RAB13: variants seen among roughly 807,000 people sequenced by gnomAD.
RAB13 encodes ras-related protein Rab-13.
In RAB13, 15 loss-of-function variants were observed where a neutral mutation model predicts 29.3. The ratio of observed to expected loss-of-function variants is 0.51; its 90% CI spans 0.34 to 0.79. RAB13 has a LOEUF of 0.79. Among genes scored for constraint, RAB13 ranks in the 30% least tolerant of loss-of-function variants. The pLI is 0.01. For synonymous variants in RAB13, 82 were observed against 93.8 expected, an observed-to-expected ratio of 0.87 and a Z score of 0.73; for missense variants, 186 against 255.5, an observed-to-expected ratio of 0.73 and a Z score of 1.85.
At chr1:153,983,396 T>C (rs1243654676) in intron 3 of RAB13, 100 bp from the exon 4 acceptor site, 11 of 1,467,242 alleles carry the variant, frequency 7.5e-6, no homozygotes, top group Middle Eastern at 1.7e-4. Context: ...CTAGGCCATG[T>C]TGGGCCCTCT....
chr1:153,984,695 C>A, intron 2 of RAB13, 26 bp downstream of exon 2: 1 of 1,596,366 alleles, frequency 6.3e-7, no homozygotes, highest in South Asian at 1.1e-5. Context: ...GGAAGTCTGG[C>A]GAGGCATCCC....
upstream of RAB13, among the ~76,000 whole-genome samples, chr1:153,990,220 C>T (rs1036449916): frequency 1.4e-4 from 21 of 152,248 alleles, no homozygotes; most frequent in Middle Eastern, 6.8e-3. Flanking sequence ...CACACGCCAC[C>T]ACGCCTGGCT....
In RAB13 at chr1:153,986,101, C is replaced by T. The variant is rs1649159220; in HGVS notation, c.124+12G>A. The T allele has an allele frequency of 6.2e-7, 1 of 1,612,956 alleles. No homozygotes were observed. Among genetic ancestry groups the T allele is most frequent in the African/African-American group, 1.3e-5 (1 of 74,882 alleles). On this transcript the variant is annotated intron_variant, in intron 1 of 7. Coordinates refer to ENST00000368575, the MANE Select transcript of RAB13 (RefSeq NM_002870.5). ...GGAGAGTCGGGGTCTGGGACATGGC[C>T]AGCGGGCTCACCGATGGTGGAGATG...
chr1:153,985,085 C>A, intron 1 of RAB13: 1 of 1,108,242 alleles, frequency 9.0e-7, no homozygotes, highest in Non-Finnish European at 1.1e-6. Flanking sequence ...CAGCTGACAA[C>A]TCTCTGAATT....
At chr1:153,983,717 G>A (rs1036594974) in intron 2 of RAB13, 136 bp from the exon 3 acceptor site, 2 of 726,162 alleles carry the variant, frequency 2.8e-6, no homozygotes, top group African/African-American at 1.8e-5. Flanking sequence ...AGGGGAACGG[G>A]ATTAAAGACA....
chr1:153,988,891 C>A (rs1483017357), upstream of RAB13, among the ~76,000 whole-genome samples: 3 of 149,460 alleles, frequency 2.0e-5, no homozygotes, highest in Non-Finnish European at 4.5e-5. Flanking sequence ...GGATTACAGG[C>A]GTGAGCCACT....
upstream of RAB13, among the ~76,000 whole-genome samples, chr1:153,988,098 C>T (rs1178011926): frequency 6.6e-6 from 1 of 151,358 alleles, no homozygotes; most frequent in Non-Finnish European, 1.5e-5. Flanking sequence ...GATTCTTGTG[C>T]CTCAGCCTCT....
chr1:153,988,515 T>G (rs548429038), upstream of RAB13, among the ~76,000 whole-genome samples: 2 of 148,506 alleles, frequency 1.3e-5, no homozygotes, highest in East Asian at 3.9e-4. Flanking sequence ...ATGGTTTTGA[T>G]CTCCTGACCT....
intron 1 of RAB13, 177 bp from the exon 2 acceptor site, chr1:153,984,958 A>G (rs1210801191): frequency 3.0e-6 from 4 of 1,349,986 alleles, no homozygotes; most frequent in Non-Finnish European, 3.8e-6. Context: ...CTGTATTTGT[A>G]TAGCAAGAAT....
chr1:153,984,667 C>T (rs376304799), intron 2 of RAB13, 54 bp downstream of exon 2: 27 of 1,472,464 alleles, frequency 1.8e-5, no homozygotes, highest in Middle Eastern at 1.7e-4. Context: ...GAAGGAAAAA[C>T]GTGTAGGAGG....
At chr1:153,987,687 C>T (rs1016358699), upstream of RAB13, among the ~76,000 whole-genome samples, 1 of 149,808 alleles carries the variant, frequency 6.7e-6, no homozygotes, top group African/African-American at 2.5e-5. Flanking sequence ...CACTTGTAAT[C>T]CCAGCACTTT....
rs190312104 is a variant in RAB13, at chr1:153,984,941, C to T, written c.125-160G>A. ...GGAAATGCCAAGCTAGGAGAATTTT[C>T]CCAAAGCTGTATTTGTATAGCAAGA... On this transcript the variant is annotated intron_variant, in intron 1 of 7. Coordinates refer to ENST00000368575, the MANE Select transcript of RAB13 (RefSeq NM_002870.5). The T allele has an allele frequency of 3.6e-6, 5 of 1,377,646 alleles. No homozygotes were observed. In the Admixed American group the frequency reaches 1.8e-4, roughly 51 times the overall value. The allele number at this position is 1,377,646 out of a possible 1,614,324, so 85.3% of individuals were successfully genotyped here.
At chr1:153,986,445 G>T (rs1215163110), upstream of RAB13, 3 of 538,640 alleles carry the variant, frequency 5.6e-6, no homozygotes, top group Non-Finnish European at 9.8e-6. Context: ...AAGGCTGCCA[G>T]CCCGGCCTCT....
At chr1:153,989,951 C>T (rs1230803843), upstream of RAB13, among the ~76,000 whole-genome samples, 6 of 152,106 alleles carry the variant, frequency 3.9e-5, no homozygotes, top group Admixed American at 3.9e-4. Context: ...ATCCCCATCA[C>T]CTTCCGTGTC....
At chr1:153,984,930 A>G in intron 1 of RAB13, 149 bp from the exon 2 acceptor site, 1 of 1,385,156 alleles carries the variant, frequency 7.2e-7, no homozygotes, top group Admixed American at 3.6e-5. Context: ...ATGCCAAGCT[A>G]GGAGAATTTT....
upstream of RAB13, among the ~76,000 whole-genome samples, chr1:153,990,516 T>G (rs983730661): frequency 2.6e-5 from 4 of 152,202 alleles, no homozygotes; most frequent in Non-Finnish European, 5.9e-5. Flanking sequence ...TGGCACAAAA[T>G]TTTAAAAGTG....
At chr1:153,984,997 T>G in intron 1 of RAB13, 2 of 1,273,250 alleles carry the variant, frequency 1.6e-6, no homozygotes, top group African/African-American at 1.6e-5. Context: ...TTATGGATTT[T>G]GGGAGGGAAA....
At position 153,986,231 on chromosome 1, in the gene RAB13, G is replaced by A. The variant is rs778689659; in HGVS notation, c.6C>T (p.Ala2=). 2.5e-5 allele frequency: 41 copies of A among 1,612,382 alleles called. No individual in the cohort carries two copies. Among genetic ancestry groups the A allele is most frequent in the Non-Finnish European group, 3.3e-5 (39 of 1,179,332 alleles). Residue 2 remains alanine, a synonymous_variant, in exon 1 of 8, where the codon GCC becomes GCT. Coordinates refer to ENST00000368575, the MANE Select transcript of RAB13 (RefSeq NM_002870.5). M[A]KAYDHLFKLL... ...ACTTGAAGAGGTGGTCGTAGGCTTTGGCCATGGCGGACACCGGGGGAGCCG... is the reference window on the plus strand; with the variant it reads ...ACTTGAAGAGGTGGTCGTAGGCTTTAGCCATGGCGGACACCGGGGGAGCCG...
chr1:153,987,084 A>G (rs116009425), upstream of RAB13, among the ~76,000 whole-genome samples: 227 of 152,298 alleles, frequency 1.5e-3, 1 homozygote, highest in African/African-American at 5.2e-3. Context: ...TGAACTAAAA[A>G]TGTCATTCTT....
Sources: allele counts gnomAD v4.1 joint callset (sites outside exome capture counted in the v4.1 genomes callset), GRCh38; gene constraint gnomAD v4.1.1; transcripts MANE v1.5; gene names NCBI Gene and HGNC (gene_info 2026-07-23, HGNC 2026-07-21).